Variants in SPOCK1 observed in about 807,000 individuals in gnomAD.
SPOCK1 encodes the protein SPARC (osteonectin), cwcv and kazal like domains proteoglycan 1.
A neutral mutation model predicts 55.3 loss-of-function variants in SPOCK1; 23 were observed. The observed-to-expected ratio is 0.42, with a 90% CI of 0.30 to 0.59. The LOEUF (loss-of-function observed/expected upper bound fraction) is 0.59, where lower values mean the gene tolerates loss of function less well. Among genes scored for constraint, SPOCK1 ranks in the 20% least tolerant of loss-of-function variants. SPOCK1 has a pLI of 0.22. For missense variants in SPOCK1, 499 were observed against 552.5 expected, an observed-to-expected ratio of 0.90 and a Z score of 0.97; for synonymous variants, 226 against 221.0, an observed-to-expected ratio of 1.02 and a Z score of -0.20.
At chr5:137,473,918 G>C (rs999104839) in intron 2 of SPOCK1, among the ~76,000 whole-genome samples, 2 of 152,174 alleles carry the variant, frequency 1.3e-5, no homozygotes, top group Non-Finnish European at 2.9e-5. Context: ...CCATAAAAAG[G>C]AATGAATTAA....
At chr5:137,415,241 G>A (rs62374219) in intron 2 of SPOCK1, among the ~76,000 whole-genome samples, 6 of 152,326 alleles carry the variant, frequency 3.9e-5, no homozygotes, top group Admixed American at 2.0e-4. Context: ...TTGAGATTCC[G>A]ATCACAAAAG....
At chr5:137,387,761 G>A (rs766732769) in intron 2 of SPOCK1, among the ~76,000 whole-genome samples, 2 of 152,166 alleles carry the variant, frequency 1.3e-5, no homozygotes, top group Admixed American at 6.5e-5. Flanking sequence ...GTGACTTGCA[G>A]GGATGTTGAT....
intron 2 of SPOCK1, among the ~76,000 whole-genome samples, chr5:137,494,588 C>A (rs11739732): frequency 2.4e-4 from 37 of 152,212 alleles, no homozygotes; most frequent in Non-Finnish European, 4.9e-4. Flanking sequence ...TTACCTATTT[C>A]TGCAATGTTT....
intron 2 of SPOCK1, among the ~76,000 whole-genome samples, chr5:137,290,307 A>G (rs1247494962): frequency 6.6e-6 from 1 of 152,236 alleles, no homozygotes. Flanking sequence ...TATTACCTAC[A>G]TAACAGTGAC....
chr5:136,979,613 G>T, intron 9 of SPOCK1, 144 bp from the exon 10 acceptor site: 1 of 1,078,990 alleles, frequency 9.3e-7, no homozygotes, highest in Non-Finnish European at 1.3e-6. Context: ...TTGGCTATTA[G>T]TCAAAATTAC....
chr5:137,107,317 T>C (rs1057169533), intron 5 of SPOCK1, among the ~76,000 whole-genome samples: 1 of 152,166 alleles, frequency 6.6e-6, no homozygotes, highest in Non-Finnish European at 1.5e-5. Context: ...AAGTCAGAAA[T>C]TTACTTCAGT....
intron 3 of SPOCK1, among the ~76,000 whole-genome samples, chr5:137,195,641 G>A (rs1016306307): frequency 6.6e-6 from 1 of 152,232 alleles, no homozygotes; most frequent in Non-Finnish European, 1.5e-5. Context: ...AATGTGCATG[G>A]CATGATGTGA....
At chr5:137,171,422 G>T (rs780067428) in intron 3 of SPOCK1, among the ~76,000 whole-genome samples, 29 of 152,138 alleles carry the variant, frequency 1.9e-4, no homozygotes, top group Non-Finnish European at 3.7e-4. Context: ...AACTTTTGCT[G>T]AGTTTAACTG....
At chr5:137,435,639 G>C (rs925362608) in intron 2 of SPOCK1, among the ~76,000 whole-genome samples, 1 of 152,180 alleles carries the variant, frequency 6.6e-6, no homozygotes, top group African/African-American at 2.4e-5. Flanking sequence ...TAAAGTGGGA[G>C]GCATTGAAAG....
chr5:137,056,921 C>T (rs905718059), intron 6 of SPOCK1, among the ~76,000 whole-genome samples: 1 of 152,112 alleles, frequency 6.6e-6, no homozygotes, highest in South Asian at 2.1e-4. Context: ...ATTCAAGATC[C>T]TTCTACATGG....
At chr5:137,175,258 T>C (rs1192144608) in intron 3 of SPOCK1, among the ~76,000 whole-genome samples, 3 of 152,140 alleles carry the variant, frequency 2.0e-5, no homozygotes, top group Non-Finnish European at 4.4e-5. Context: ...CTGTGGGTAG[T>C]AAAACCATGT....
At chr5:137,341,330 T>A (rs1271276147) in intron 2 of SPOCK1, among the ~76,000 whole-genome samples, 1 of 152,228 alleles carries the variant, frequency 6.6e-6, no homozygotes, top group Non-Finnish European at 1.5e-5. Context: ...AAACAAAACC[T>A]ATTCCCAGAG....
chr5:137,487,770 G>A (rs1754091694), intron 2 of SPOCK1, among the ~76,000 whole-genome samples: 1 of 152,124 alleles, frequency 6.6e-6, no homozygotes, highest in Admixed American at 6.5e-5. Flanking sequence ...GCATCCCTGG[G>A]CCCTGGCAGC....
At chr5:137,242,742 A>AC (rs1003657066) in intron 3 of SPOCK1, among the ~76,000 whole-genome samples, 79 of 152,282 alleles carry the variant, frequency 5.2e-4, no homozygotes, top group African/African-American at 1.5e-3. Flanking sequence ...TGTACCCCCA[A>AC]CCCCCAAAAA....
rs375886834 is a variant in SPOCK1, at chr5:137,296,094, C to T, written c.187-29039G>A. ...TGAAGAGACCCCGCATTCCTTCTGC[C>T]ACATGAGGACACAGTGAGAAAACAG... On this transcript the variant is annotated intron_variant, in intron 2 of 10. Coordinates refer to ENST00000394945, the MANE Select transcript of SPOCK1 (RefSeq NM_004598.4). Among the ~76,000 whole-genome samples the T allele has an allele frequency of 1.6e-4, 25 of 152,260 alleles. No individual in the cohort carries two copies. In the East Asian group the frequency reaches 3.3e-3, roughly 20 times the overall value.
chr5:137,316,136 T>G (rs772598221), intron 2 of SPOCK1, among the ~76,000 whole-genome samples: 12 of 152,216 alleles, frequency 7.9e-5, no homozygotes, highest in Non-Finnish European at 1.8e-4. Flanking sequence ...CAAGGAGGGA[T>G]GTACCGTCCA....
intron 2 of SPOCK1, among the ~76,000 whole-genome samples, chr5:137,328,275 A>T (rs1758112824): frequency 6.6e-6 from 1 of 152,198 alleles, no homozygotes; most frequent in South Asian, 2.1e-4. Flanking sequence ...GCCCATCCTC[A>T]TCTGTACTCT....
chr5:136,997,964 C>A (rs1283532689), intron 6 of SPOCK1, among the ~76,000 whole-genome samples: 1 of 152,176 alleles, frequency 6.6e-6, no homozygotes, highest in African/African-American at 2.4e-5. Context: ...TGAATAGAAT[C>A]ACCCTTTTAC....
At chr5:137,054,607 G>A (rs1352093520) in intron 6 of SPOCK1, among the ~76,000 whole-genome samples, 1 of 152,178 alleles carries the variant, frequency 6.6e-6, no homozygotes, top group Non-Finnish European at 1.5e-5. Flanking sequence ...GGTTATCACA[G>A]AACGCCAACA....
Sources: allele counts gnomAD v4.1 joint callset (sites outside exome capture counted in the v4.1 genomes callset), GRCh38; gene constraint gnomAD v4.1.1; transcripts MANE v1.5; gene names NCBI Gene and HGNC (gene_info 2026-07-23, HGNC 2026-07-21).